OXCT1: variants seen among roughly 807,000 people sequenced by gnomAD.
The protein encoded by OXCT1 is 3-oxoacid CoA-transferase 1, also known as succinyl-CoA:3-ketoacid coenzyme A transferase 1, mitochondrial.
OXCT1 carries 27 observed loss-of-function variants against 69.6 expected under a neutral mutation model. That is an observed-to-expected ratio of 0.39 (90% CI 0.29 to 0.54). OXCT1 has a LOEUF of 0.54. Ranked by LOEUF, OXCT1 falls within the 20% of genes least tolerant of loss-of-function variation. OXCT1 has a pLI of 0.72. For missense variants in OXCT1, 437 were observed against 650.2 expected (o/e 0.67, Z 3.57); for synonymous variants, 202 against 217.8 (o/e 0.93, Z 0.64).
intron 9 of OXCT1, 147 bp downstream of exon 9, chr5:41,805,420 T>C (rs1343454141): frequency 1.6e-6 from 1 of 635,040 alleles, no homozygotes; most frequent in Non-Finnish European, 2.8e-6. Context: ...ATGCCACATT[T>C]TGTAAAAAAA....
At position 41,870,377 on chromosome 5, in the gene OXCT1, G is replaced by T; in HGVS notation, c.-19C>A. On this transcript the variant is annotated 5_prime_UTR_variant, in exon 1 of 17. Transcript: ENST00000196371. This position sits in a 1 kb window ranked among gnomAD's most constrained non-coding sequence, Gnocchi z 4.2. ...CCGCCATCTTCGGGCGGTGAGGCAG[G>T]AGGAGGCTGCGGGTTGGAGCGCGCG... The T allele has an allele frequency of 1.2e-6, 2 of 1,605,400 alleles. No individual in the cohort carries two copies. Among genetic ancestry groups the T allele is most frequent in the South Asian group, 1.1e-5 (1 of 90,672 alleles).
At chr5:41,828,824 G>A (rs1747946744) in intron 7 of OXCT1, among the ~76,000 whole-genome samples, 1 of 152,086 alleles carries the variant, frequency 6.6e-6, no homozygotes, top group South Asian at 2.1e-4. Flanking sequence ...TAAATGAAGG[G>A]TCTGCACACT....
At chr5:41,802,965 C>T (rs1472888927) in intron 10 of OXCT1, 104 bp downstream of exon 10, 2 of 814,104 alleles carry the variant, frequency 2.5e-6, no homozygotes, top group Non-Finnish European at 4.2e-6. Flanking sequence ...ATCACTTGCA[C>T]CCTAAAAGCT....
At chr5:41,854,479 G>A (rs986249538) in intron 3 of OXCT1, among the ~76,000 whole-genome samples, 4 of 152,052 alleles carry the variant, frequency 2.6e-5, no homozygotes, top group African/African-American at 7.2e-5. Flanking sequence ...TCACCTTAAA[G>A]ACTGAAGATC....
intron 16 of OXCT1, among the ~76,000 whole-genome samples, chr5:41,736,455 CTTT>C (rs1742889664): frequency 6.6e-6 from 1 of 152,074 alleles, no homozygotes; most frequent in Non-Finnish European, 1.5e-5. Context: ...ATTTTTTCCA[CTTT>C]TTTATTATGG....
chr5:41,762,505 AC>A lies in OXCT1; in HGVS notation c.1249-306del, dbSNP rs1458449801. ...AACCTTTCCAGAATTCTGGGACATT[AC>A]TATTATTACACTATCAGATTGAAAT... is the stretch of plus-strand genomic sequence containing the variant. On this transcript the variant is annotated intron_variant, in intron 13 of 16. Coordinates refer to ENST00000196371, the MANE Select transcript of OXCT1 (RefSeq NM_000436.4). The surrounding 1 kb of genome is among the most constrained non-coding windows in gnomAD (Gnocchi z 4.0). 1.3e-5 allele frequency among the ~76,000 whole-genome samples: 2 copies of A among 152,116 alleles called. No individual in the cohort carries two copies. Among genetic ancestry groups the A allele is most frequent in the East Asian group, 3.9e-4 (2 of 5,178 alleles).
intron 14 of OXCT1, among the ~76,000 whole-genome samples, chr5:41,761,700 T>C (rs1412519675): frequency 1.3e-5 from 2 of 152,172 alleles, no homozygotes; most frequent in Non-Finnish European, 2.9e-5. Flanking sequence ...TGAAAATAAC[T>C]GTTGTTAAGA....
At position 41,758,475 on chromosome 5, in the gene OXCT1, C is replaced by A. The variant is rs112595297; in HGVS notation, c.1338+3636G>T. On this transcript the variant is annotated intron_variant, in intron 14 of 16. Transcript: ENST00000196371. ...CCTTAGAAGGCTGCAGAGCAGAGGG[C>A]ATTATAAAGAGTTCTGGAGGGAACC... 2.6e-5 allele frequency among the ~76,000 whole-genome samples: 4 copies of A among 151,710 alleles called. 1 individual carries two copies. The highest frequency in any genetic ancestry group is 9.7e-5 in the African/African-American group (4 of 41,354).
At chr5:41,750,827 G>C (rs1375525693) in intron 14 of OXCT1, among the ~76,000 whole-genome samples, 1 of 152,034 alleles carries the variant, frequency 6.6e-6, no homozygotes, top group African/African-American at 2.4e-5. Context: ...CCAGTTCAGG[G>C]AATAAAAGAC....
rs778294812 is a variant in OXCT1 at position 41,840,563 on chromosome 5, C to T, written c.672-52G>A. On this transcript the variant is annotated intron_variant, in intron 6 of 16. Coordinates refer to ENST00000196371, the MANE Select transcript of OXCT1 (RefSeq NM_000436.4). ...TGGGGGGGAAAAGACGAAAAATAAG[C>T]ATCTCTGTCACCTTTAAGGTTTTAT... 15 of 1,079,242 alleles carry T rather than the reference C, an allele frequency of 1.4e-5. No individual in the cohort carries two copies. In the South Asian group the frequency reaches 1.9e-4, roughly 14 times the overall value. The allele number at this position is 1,079,242 out of a possible 1,614,324, so 66.9% of individuals were successfully genotyped here.
intron 11 of OXCT1, among the ~76,000 whole-genome samples, chr5:41,797,841 G>A (rs752848993): frequency 1.3e-5 from 2 of 152,190 alleles, no homozygotes; most frequent in Non-Finnish European, 2.9e-5. Flanking sequence ...AACATTTCCA[G>A]TGATGCTGAC....
chr5:41,757,811 C>T (rs1283848092), intron 14 of OXCT1, among the ~76,000 whole-genome samples: 1 of 151,996 alleles, frequency 6.6e-6, no homozygotes, highest in Non-Finnish European at 1.5e-5. Flanking sequence ...ACCATGATGC[C>T]TTTCTGTAGA....
chr5:41,869,900 T>G, intron 1 of OXCT1: 1 of 337,674 alleles, frequency 3.0e-6, no homozygotes, highest in Non-Finnish European at 5.8e-6. Flanking sequence ...TAAACCTCCA[T>G]ATACTGGCGC....
intron 15 of OXCT1, among the ~76,000 whole-genome samples, chr5:41,743,973 G>A (rs1054168570): frequency 6.6e-6 from 1 of 151,962 alleles, no homozygotes; most frequent in South Asian, 2.1e-4. Context: ...GCTCTTTTTT[G>A]GTTCCATATG....
chr5:41,748,642 C>T (rs1206945407), intron 15 of OXCT1, among the ~76,000 whole-genome samples: 1 of 151,982 alleles, frequency 6.6e-6, no homozygotes, highest in African/African-American at 2.4e-5. Context: ...CAGAACCTCC[C>T]TTAAAAGTGG....
chr5:41,848,719 C>G (rs1423170922), intron 5 of OXCT1, among the ~76,000 whole-genome samples: 1 of 151,750 alleles, frequency 6.6e-6, no homozygotes, highest in Non-Finnish European at 1.5e-5. Flanking sequence ...GCTGGGAAAA[C>G]TGGCTAGCCA....
intron 7 of OXCT1, among the ~76,000 whole-genome samples, chr5:41,839,964 G>A (rs1748547965): frequency 1.3e-5 from 2 of 152,196 alleles, no homozygotes; most frequent in African/African-American, 2.4e-5. Flanking sequence ...AATTATCCAA[G>A]CCCCTTCCAA....
intron 13 of OXCT1, among the ~76,000 whole-genome samples, chr5:41,775,788 A>C (rs1045180298): frequency 1.3e-5 from 2 of 152,172 alleles, no homozygotes; most frequent in Non-Finnish European, 2.9e-5. Flanking sequence ...GCTTATTATG[A>C]ATAACAAAAT....
chr5:41,808,452 A>G (rs1321657073), intron 7 of OXCT1, among the ~76,000 whole-genome samples: 1 of 152,106 alleles, frequency 6.6e-6, no homozygotes, highest in Non-Finnish European at 1.5e-5. Context: ...TGCCTTCACT[A>G]GGCTCCTCCT....
Sources: gnomAD v4.1 joint callset for allele counts (sites outside exome capture counted in the v4.1 genomes callset) on GRCh38, gnomAD v4.1.1 for gene constraint, Gnocchi (gnomAD v3.1) non-coding constraint, MANE v1.5 for transcripts, NCBI Gene and HGNC (gene_info 2026-07-23, HGNC 2026-07-21) for gene names.